The following CGRRF1 variants were observed in gnomAD, a reference collection of about 807,000 sequenced individuals.
The protein encoded by CGRRF1 is cell growth regulator with ring finger domain 1.
Under a neutral mutation model 37.2 loss-of-function variants are expected in CGRRF1, and 32 were observed. The observed-to-expected ratio is 0.86, with a 90% CI of 0.65 to 1.16. CGRRF1 has a LOEUF of 1.16. Among genes scored for constraint, CGRRF1 ranks in the 50% most tolerant of loss-of-function variants. CGRRF1 has a pLI of 0.00. For missense variants in CGRRF1, 391 were observed against 382.6 expected (o/e 1.02, Z -0.18); for synonymous variants, 141 against 140.3 (o/e 1.00, Z -0.04).
At chr14:54,528,068 T>A (rs2032443304) in intron 2 of CGRRF1, among the ~76,000 whole-genome samples, 1 of 152,212 alleles carries the variant, frequency 6.6e-6, no homozygotes, top group South Asian at 2.1e-4. Flanking sequence ...AACAAACACA[T>A]ATATGGGTAT....
chr14:54,513,049 C>T (rs1226399490), intron 1 of CGRRF1, among the ~76,000 whole-genome samples: 2 of 152,148 alleles, frequency 1.3e-5, no homozygotes, highest in African/African-American at 4.8e-5. Flanking sequence ...TTGATGCTGA[C>T]AACTTTAAAA....
At chr14:54,536,833 G>T (rs2032608929) in intron 4 of CGRRF1, 1 of 152,056 alleles carries the variant, frequency 6.6e-6, no homozygotes, top group African/African-American at 2.4e-5. Context: ...TTTTTATCAT[G>T]TATATTTTTA....
chr14:54,519,109 A>T (rs2032269648), intron 1 of CGRRF1, among the ~76,000 whole-genome samples: 1 of 151,398 alleles, frequency 6.6e-6, no homozygotes, highest in Non-Finnish European at 1.5e-5. Flanking sequence ...TGCCCAGCTA[A>T]TTTTTTTTGT....
intron 2 of CGRRF1, among the ~76,000 whole-genome samples, chr14:54,524,278 TTTC>T: frequency 6.6e-6 from 1 of 152,228 alleles, no homozygotes; most frequent in African/African-American, 2.4e-5. Flanking sequence ...TCTATTCATC[TTTC>T]CTGCCTCTAA....
Position 54,510,386 on chromosome 14 carries a change from T to C in CGRRF1, c.104+323T>C. ...GCTTGGGCTTGGTGTTGGGAGAAAG[T>C]GCTTCTCTAGTAGGCTTCTGTCCCG... On this transcript the variant is annotated intron_variant, in intron 1 of 5. Coordinates refer to ENST00000216420, the MANE Select transcript of CGRRF1 (RefSeq NM_006568.3). The C allele has an allele frequency of 1.1e-5, 4 of 363,934 alleles. No individual in the cohort carries two copies. In the South Asian group the frequency reaches 1.1e-4, roughly 10 times the overall value. 22.5% of individuals were successfully genotyped at this position (363,934 alleles called of 1,614,324 possible).
intron 2 of CGRRF1, among the ~76,000 whole-genome samples, chr14:54,528,900 A>T (rs192021140): frequency 1.9e-4 from 29 of 152,342 alleles, no homozygotes; most frequent in Admixed American, 6.5e-4. Context: ...TGAGAGTAAA[A>T]TTGGAAAAAT....
chr14:54,513,990 A>T (rs1594645935), intron 1 of CGRRF1, among the ~76,000 whole-genome samples: 1 of 151,990 alleles, frequency 6.6e-6, no homozygotes, highest in Non-Finnish European at 1.5e-5. Flanking sequence ...CTTGAAAAAA[A>T]CTCCAGTCAC....
intron 1 of CGRRF1, 199 bp downstream of exon 1, chr14:54,510,262 C>G (rs2032108367): frequency 3.4e-6 from 2 of 581,198 alleles, no homozygotes; most frequent in Non-Finnish European, 6.1e-6. Flanking sequence ...CCTGCATCAC[C>G]GTTTGGTCCG....
chr14:54,522,339 C>T lies in CGRRF1; in HGVS notation c.105-115C>T, dbSNP rs114510847. The T allele has an allele frequency of 4.5e-4, 309 of 689,562 alleles. No individual in the cohort carries two copies. The African/African-American group carries it at 5.4e-3, about 12-fold the overall frequency. The allele number at this position is 689,562 out of a possible 1,614,324, so 42.7% of individuals were successfully genotyped here. On this transcript the variant is annotated intron_variant, in intron 1 of 5. Coordinates refer to ENST00000216420, the MANE Select transcript of CGRRF1 (RefSeq NM_006568.3). ...AATAACGTAAATTGAGAAATTTAAC[C>T]TCTTTCTGACACTTAATGCTAAAAG...
intron 2 of CGRRF1, among the ~76,000 whole-genome samples, chr14:54,525,103 C>A (rs1039565335): frequency 6.6e-6 from 1 of 152,164 alleles, no homozygotes; most frequent in Non-Finnish European, 1.5e-5. Context: ...TAACCTCCCA[C>A]CTCTGTGGCC....
At chr14:54,526,144 A>ATTTTTTTTTTTTTTTTTTTTTTTTTTT (rs745596386) in intron 2 of CGRRF1, among the ~76,000 whole-genome samples, 1 of 107,068 alleles carries the variant, frequency 9.3e-6, no homozygotes, top group Non-Finnish European at 1.9e-5. Context: ...TATATTTAAG[A>ATTTTTTTTTTTTTTTTTTTTTTTTTTT]TTTTTTTTTT....
intron 1 of CGRRF1, among the ~76,000 whole-genome samples, chr14:54,510,802 C>T (rs900312688): frequency 5.9e-5 from 9 of 152,194 alleles, no homozygotes; most frequent in African/African-American, 2.2e-4. Context: ...CATGTTTAGA[C>T]AAGCCTTGTA....
rs1271990327 is a variant in CGRRF1 at position 54,511,888 on chromosome 14, G to T, written c.104+1825G>T. On this transcript the variant is annotated intron_variant, in intron 1 of 5. Transcript: ENST00000216420. ...ATCCAGTCACTTCCATCCTAATTTA[G>T]GCCTAACCAGTCATCTTGTGCCTAA... is the stretch of plus-strand genomic sequence containing the variant. 2.0e-5 allele frequency among the ~76,000 whole-genome samples: 3 copies of T among 152,250 alleles called. No individual in the cohort carries two copies. In the East Asian group the frequency reaches 5.8e-4, roughly 29 times the overall value.
chr14:54,534,376 G>A (rs917141017), intron 4 of CGRRF1, among the ~76,000 whole-genome samples: 7 of 152,104 alleles, frequency 4.6e-5, no homozygotes, highest in African/African-American at 1.7e-4. Context: ...ACCCGCCTCG[G>A]CCTCCCAAAG....
chr14:54,533,596 A>G (rs974221668), intron 4 of CGRRF1, among the ~76,000 whole-genome samples: 11 of 152,046 alleles, frequency 7.2e-5, no homozygotes, highest in African/African-American at 2.7e-4. Flanking sequence ...GTGTTTTTTC[A>G]GTATTGTATG....
intron 1 of CGRRF1, among the ~76,000 whole-genome samples, chr14:54,517,206 G>GT (rs774700113): frequency 2.6e-5 from 4 of 152,072 alleles, no homozygotes; most frequent in South Asian, 2.1e-4. Flanking sequence ...GCCTGTTAAT[G>GT]TTTTTTTATC....
chr14:54,511,900 C>G (rs148853455), intron 1 of CGRRF1, among the ~76,000 whole-genome samples: 47 of 152,356 alleles, frequency 3.1e-4, no homozygotes, highest in African/African-American at 1.1e-3. Context: ...CCTAACCAGT[C>G]ATCTTGTGCC....
chr14:54,535,735 ATGG>A (rs1169954087), intron 4 of CGRRF1, among the ~76,000 whole-genome samples: 2 of 152,264 alleles, frequency 1.3e-5, no homozygotes, highest in East Asian at 3.9e-4. Flanking sequence ...CTTTACTGTG[ATGG>A]TTGCAAAATT....
chr14:54,534,683 G>A (rs2032572456), intron 4 of CGRRF1, among the ~76,000 whole-genome samples: 1 of 152,094 alleles, frequency 6.6e-6, no homozygotes, highest in African/African-American at 2.4e-5. Context: ...TCTGTCCTTT[G>A]CATTATTGTT....
Sources: allele counts gnomAD v4.1 joint callset (sites outside exome capture counted in the v4.1 genomes callset), GRCh38; gene constraint gnomAD v4.1.1; transcripts MANE v1.5; gene names NCBI Gene and HGNC (gene_info 2026-07-23, HGNC 2026-07-21).